The following SLC16A14 variants were observed in gnomAD, a reference collection of about 807,000 sequenced individuals.
The protein encoded by SLC16A14 is solute carrier family 16 member 14.
SLC16A14 carries 14 observed loss-of-function variants against 35.8 expected under a neutral mutation model. The observed-to-expected ratio is 0.39, with a 90% CI of 0.26 to 0.61. SLC16A14 has a LOEUF of 0.61. Among genes scored for constraint, SLC16A14 ranks in the 20% least tolerant of loss-of-function variants. SLC16A14 has a pLI of 0.51. For missense variants in SLC16A14, 533 were observed against 655.0 expected (o/e 0.81, Z 2.03); for synonymous variants, 248 against 258.9 (o/e 0.96, Z 0.40).
Position 230,046,505 on chromosome 2 carries a change from C to A in SLC16A14, c.621G>T (p.Ala207=), listed in dbSNP as rs765112155. 6.2e-7 allele frequency: 1 copy of A among 1,614,196 alleles called. No individual in the cohort carries two copies. Among genetic ancestry groups the A allele is most frequent in the South Asian group, 1.1e-5 (1 of 91,084 alleles). Residue 207 remains alanine (A), a synonymous_variant, in exon 4 of 5, where the codon GCG becomes GCT. Transcript: ENST00000295190. This position sits in a 1 kb window ranked among gnomAD's most constrained non-coding sequence, Gnocchi z 5.0. ...AVSLNLCVCG[A]LMRPLSPGKN... The stretch of plus-strand genomic sequence containing the variant: ...TACCAGGAGAGAGGGGCCTCATGAG[C>A]GCCCCACAAACACACAGGTTTAGGG...
At position 230,036,847 on chromosome 2, in the gene SLC16A14, T is replaced by A. The variant is rs1326442029; in HGVS notation, c.*533A>T. 6.6e-6 allele frequency: 1 copy of A among 152,236 alleles called. No individual in the cohort carries two copies. The highest frequency in any genetic ancestry group is 1.5e-5 in the Non-Finnish European group (1 of 68,040). The allele number at this position is 152,236 out of a possible 1,614,324, so 9.4% of individuals were successfully genotyped here. ...GCCGTGTTTCTTTAATTGCACTAAA[T>A]TGTATTACCTGTGGAATTAGAGCTT... is the stretch of plus-strand genomic sequence containing the variant. On this transcript the variant is annotated 3_prime_UTR_variant, in exon 5 of 5. Transcript: ENST00000295190.
At position 230,046,928 on chromosome 2, in the gene SLC16A14, G is replaced by A. The variant is rs1300216555; in HGVS notation, c.404-206C>T. 2.0e-5 allele frequency among the ~76,000 whole-genome samples: 3 copies of A among 152,202 alleles called. No individual in the cohort carries two copies. The highest frequency in any genetic ancestry group is 7.2e-5 in the African/African-American group (3 of 41,458). On this transcript the variant is annotated intron_variant, in intron 3 of 4. Transcript: ENST00000295190. The surrounding 1 kb of genome is among the most constrained non-coding windows in gnomAD (Gnocchi z 5.0). The stretch of plus-strand genomic sequence containing the variant: ...ATCCACCCAAGCAGGTTTCTAGCCC[G>A]CCATTTTCCCCAACAGGCTTTGCTG...
intron 3 of SLC16A14, among the ~76,000 whole-genome samples, chr2:230,049,398 C>A (rs545959366): frequency 6.6e-6 from 1 of 152,182 alleles, no homozygotes; most frequent in South Asian, 2.1e-4. Flanking sequence ...AGCTTATTTC[C>A]CACACCACAC....
chr2:230,037,631 A>T, intron 4 of SLC16A14, 100 bp from the exon 5 acceptor site: 1 of 910,628 alleles, frequency 1.1e-6, no homozygotes, highest in South Asian at 2.0e-5. Context: ...TGTTTCTACA[A>T]GAATTTATAT....
chr2:230,046,717 C>T lies in SLC16A14; in HGVS notation c.409G>A (p.Gly137Ser), dbSNP rs1383362783. 1 of 1,598,958 alleles carries T rather than the reference C, an allele frequency of 6.3e-7. No homozygotes were observed. Among genetic ancestry groups the T allele is most frequent in the Non-Finnish European group, 8.5e-7 (1 of 1,179,412 alleles). Reference protein sequence around the residue: ...FITFGVAAGLGSGMAYLPAVV... With the variant: ...FITFGVAAGLSSGMAYLPAVV... Reference sequence around the variant, plus strand: ...GCTGGCAGGTAGGCCATCCCGCTGCCCAGGCCTGTACAGGCCGACGGGGGG... The same window carrying T: ...GCTGGCAGGTAGGCCATCCCGCTGCTCAGGCCTGTACAGGCCGACGGGGGG... The change falls in exon 4 of 5, where the codon GGC (glycine) becomes AGC (serine). Residue 137 changes from glycine (G) to serine (S), a missense_variant. Gly to Ser is a moderately conservative substitution (Grantham distance 56). Coordinates refer to ENST00000295190, the MANE Select transcript of SLC16A14 (RefSeq NM_152527.5). The surrounding 1 kb of genome is among the most constrained non-coding windows in gnomAD (Gnocchi z 5.0).
intron 2 of SLC16A14, among the ~76,000 whole-genome samples, chr2:230,054,083 A>AG (rs144813112): frequency 0.36 from 47,334 of 132,464 alleles, 8,172 homozygotes; most frequent in Non-Finnish European, 0.44. Context: ...GTGCAGCCTG[A>AG]GGTGGGGGGG....
At chr2:230,063,636 A>T (rs2077768863) in intron 1 of SLC16A14, among the ~76,000 whole-genome samples, 1 of 152,226 alleles carries the variant, frequency 6.6e-6, no homozygotes, top group Non-Finnish European at 1.5e-5. Flanking sequence ...AGAGCCCTAG[A>T]CAGCTTTATT....
chr2:230,055,968 G>A (rs1486362630), intron 2 of SLC16A14, among the ~76,000 whole-genome samples: 1 of 152,148 alleles, frequency 6.6e-6, no homozygotes, highest in Non-Finnish European at 1.5e-5. Flanking sequence ...CTTGAAGCCC[G>A]ACACTGAAAT....
intron 3 of SLC16A14, 63 bp downstream of exon 3, chr2:230,049,686 CTCCACAATTAAA>C: frequency 6.6e-7 from 1 of 1,510,266 alleles, no homozygotes; most frequent in Non-Finnish European, 9.1e-7. Context: ...TGTCTCTTTT[CTCCACAATTAAA>C]TCCACTGCCA....
chr2:230,052,390 A>G (rs2077668740), intron 2 of SLC16A14, among the ~76,000 whole-genome samples: 1 of 152,218 alleles, frequency 6.6e-6, no homozygotes, highest in African/African-American at 2.4e-5. Context: ...ATTTCTTTAC[A>G]CATTTTTATT....
Position 230,036,860 on chromosome 2 carries a change from G to A in SLC16A14, c.*520C>T, listed in dbSNP as rs1299748183. 1 of 152,148 alleles carries A rather than the reference G, an allele frequency of 6.6e-6. No homozygotes were observed. Among genetic ancestry groups the A allele is most frequent in the Non-Finnish European group, 1.5e-5 (1 of 68,044 alleles). The allele number at this position is 152,148 out of a possible 1,614,324, so 9.4% of individuals were successfully genotyped here. ...AATTGCACTAAATTGTATTACCTGT[G>A]GAATTAGAGCTTGCCTTTGTTTGAT... is the stretch of plus-strand genomic sequence containing the variant. On this transcript the variant is annotated 3_prime_UTR_variant, in exon 5 of 5. Transcript: ENST00000295190.
chr2:230,061,724 T>G (rs1378150188), intron 1 of SLC16A14, among the ~76,000 whole-genome samples: 1 of 151,784 alleles, frequency 6.6e-6, no homozygotes, highest in East Asian at 1.9e-4. Context: ...TGAAATGTTT[T>G]ACTCAATTTG....
chr2:230,036,224 G>A lies in SLC16A14; in HGVS notation c.*1156C>T, dbSNP rs2077518822. 1 of 152,512 alleles carries A rather than the reference G, an allele frequency of 6.6e-6. No homozygotes were observed. Among genetic ancestry groups the A allele is most frequent in the Non-Finnish European group, 1.5e-5 (1 of 68,010 alleles). The allele number at this position is 152,512 out of a possible 1,614,324, so 9.4% of individuals were successfully genotyped here. ...AAATAGACATCTCAGATAAAGAAAG[G>A]GCATTATTAGATGTCATGGATCACA... is the stretch of plus-strand genomic sequence containing the variant. On this transcript the variant is annotated 3_prime_UTR_variant, in exon 5 of 5. Transcript: ENST00000295190.
At chr2:230,045,163 C>T (rs1448674176) in intron 4 of SLC16A14, among the ~76,000 whole-genome samples, 1 of 152,240 alleles carries the variant, frequency 6.6e-6, no homozygotes, top group Admixed American at 6.5e-5. Flanking sequence ...GTCAGTATTC[C>T]ATCACCCCAT....
In SLC16A14 at chr2:230,037,194, C is replaced by T; in HGVS notation, c.*186G>A. ...GTATGTAGTCCTTAAGATCTTCCAG[C>T]ATTACATCTCCCCAAACAGAGAGGC... On this transcript the variant is annotated 3_prime_UTR_variant, in exon 5 of 5. Coordinates refer to ENST00000295190, the MANE Select transcript of SLC16A14 (RefSeq NM_152527.5). 1 of 463,156 alleles carries T rather than the reference C, an allele frequency of 2.2e-6. No homozygotes were observed. Among genetic ancestry groups the T allele is most frequent in the Non-Finnish European group, 3.8e-6 (1 of 261,970 alleles). 28.7% of individuals were successfully genotyped at this position (463,156 alleles called of 1,614,324 possible).
intron 1 of SLC16A14, among the ~76,000 whole-genome samples, chr2:230,064,380 G>A (rs6712231): frequency 0.21 from 31,859 of 151,778 alleles, 4,146 homozygotes; most frequent in South Asian, 0.34. Context: ...GCCTGCTTGG[G>A]GCTAGAAAGG....
At chr2:230,055,922 C>T (rs545496778) in intron 2 of SLC16A14, among the ~76,000 whole-genome samples, 1 of 152,276 alleles carries the variant, frequency 6.6e-6, no homozygotes, top group South Asian at 2.1e-4. Context: ...CCTTTACTAA[C>T]TTATTGAGAA....
intron 1 of SLC16A14, among the ~76,000 whole-genome samples, chr2:230,062,290 A>G (rs1388142807): frequency 6.6e-6 from 1 of 151,538 alleles, no homozygotes; most frequent in African/African-American, 2.4e-5. Context: ...CAAATTGCAC[A>G]GTGCCTGCAG....
rs1323607018 is a variant in SLC16A14 at position 230,061,734 on chromosome 2, G to T, written c.-14-2368C>A. 2.7e-5 allele frequency among the ~76,000 whole-genome samples: 4 copies of T among 149,460 alleles called. No homozygotes were observed. In the Admixed American group the frequency reaches 2.7e-4, roughly 10 times the overall value. On this transcript the variant is annotated intron_variant, in intron 1 of 4. Coordinates refer to ENST00000295190, the MANE Select transcript of SLC16A14 (RefSeq NM_152527.5). ...ATACTTGAAATGTTTTACTCAATTT[G>T]AACAATATCTTTTTTTTTTTTTTTT...
Sources: allele counts gnomAD v4.1 joint callset (sites outside exome capture counted in the v4.1 genomes callset), GRCh38; gene constraint gnomAD v4.1.1; non-coding constraint Gnocchi (gnomAD v3.1); transcripts MANE v1.5; gene names NCBI Gene and HGNC (gene_info 2026-07-23, HGNC 2026-07-21).